Variants in PCED1B observed in about 807,000 individuals in gnomAD.
PCED1B encodes the protein PC-esterase domain-containing protein 1B.
For missense variants in PCED1B, 573 were observed against 573.9 expected (o/e 1.00, Z 0.02); for synonymous variants, 251 against 246.1 (o/e 1.02, Z -0.19).
chr12:47,230,824 G>A (rs766233131), intron 3 of PCED1B, among the ~76,000 whole-genome samples: 3 of 152,098 alleles, frequency 2.0e-5, no homozygotes, highest in Non-Finnish European at 4.4e-5. Flanking sequence ...TTTTGGGTTT[G>A]GAAGAATTTT....
At chr12:47,175,516 T>A (rs1231726729) in intron 2 of PCED1B, among the ~76,000 whole-genome samples, 1 of 152,192 alleles carries the variant, frequency 6.6e-6, no homozygotes, top group Non-Finnish European at 1.5e-5. Flanking sequence ...GAAATCCCAC[T>A]TCAGAATTCA....
intron 1 of PCED1B, among the ~76,000 whole-genome samples, chr12:47,091,403 T>C (rs1938259595): frequency 6.6e-6 from 1 of 152,210 alleles, no homozygotes; most frequent in South Asian, 2.1e-4. Context: ...GCAGGTGTTC[T>C]TTATACATTC....
intron 1 of PCED1B, among the ~76,000 whole-genome samples, chr12:47,086,181 G>A (rs1349670744): frequency 2.0e-5 from 3 of 152,094 alleles, no homozygotes; most frequent in Non-Finnish European, 2.9e-5. Context: ...AAACTTGGGT[G>A]TGATCAACTC....
intron 2 of PCED1B, among the ~76,000 whole-genome samples, chr12:47,168,217 G>A (rs117768315): frequency 0.011 from 1,688 of 152,276 alleles, 16 homozygotes; most frequent in Middle Eastern, 0.027. Context: ...TAGAGAGTAG[G>A]TCTTTTAAGC....
At chr12:47,080,866 C>A (rs1937670852) in intron 1 of PCED1B, among the ~76,000 whole-genome samples, 1 of 152,028 alleles carries the variant, frequency 6.6e-6, no homozygotes, top group South Asian at 2.1e-4. Context: ...GTCTCTGTCC[C>A]CGCCACCTCC....
intron 2 of PCED1B, among the ~76,000 whole-genome samples, chr12:47,186,620 G>A (rs1942276965): frequency 6.6e-6 from 1 of 152,046 alleles, no homozygotes; most frequent in Admixed American, 6.5e-5. Context: ...ATATTGTGGG[G>A]TGGCATAATC....
intron 1 of PCED1B, among the ~76,000 whole-genome samples, chr12:47,084,872 A>G (rs1937903932): frequency 6.6e-6 from 1 of 152,254 alleles, no homozygotes; most frequent in African/African-American, 2.4e-5. Context: ...TCGGTGGCTC[A>G]TGCCTGTAAT....
chr12:47,208,820 A>T (rs2137751814), intron 2 of PCED1B: 1 of 152,286 alleles, frequency 6.6e-6, no homozygotes, highest in East Asian at 1.9e-4. Flanking sequence ...TAGGGAACAA[A>T]GACTGACACT....
chr12:47,084,403 T>C (rs1937884560), intron 1 of PCED1B, among the ~76,000 whole-genome samples: 1 of 152,202 alleles, frequency 6.6e-6, no homozygotes, highest in Non-Finnish European at 1.5e-5. Context: ...CCATCATAAG[T>C]CAGAGACTGT....
intron 1 of PCED1B, among the ~76,000 whole-genome samples, chr12:47,086,360 TAAAAAA>T (rs3045485): frequency 2.1e-5 from 2 of 95,548 alleles, no homozygotes; most frequent in African/African-American, 9.2e-5. Context: ...GTGCTTATGG[TAAAAAA>T]AAAAAAAAAA....
intron 2 of PCED1B, among the ~76,000 whole-genome samples, chr12:47,184,739 T>C (rs983897557): frequency 2.0e-5 from 3 of 151,974 alleles, no homozygotes; most frequent in Non-Finnish European, 2.9e-5. Flanking sequence ...TTTTTAAAAG[T>C]GGGAATAACA....
At chr12:47,230,545 G>C (rs904563656) in intron 3 of PCED1B, among the ~76,000 whole-genome samples, 1 of 151,508 alleles carries the variant, frequency 6.6e-6, no homozygotes, top group Non-Finnish European at 1.5e-5. Context: ...CCAGGTTCAG[G>C]GGATCTCCCG....
rs181889170 is a variant in PCED1B at position 47,186,535 on chromosome 12, C to T, written c.-525-29687C>T. Among the ~76,000 whole-genome samples, 45 of 152,142 alleles carry T rather than the reference C, an allele frequency of 3.0e-4. 1 individual carries two copies. The highest frequency in any genetic ancestry group is 2.3e-3 in the East Asian group (12 of 5,158). ...GTTCTGTTTTCAGGCAGATAGGAGGCGGACAGAGATCTCATCCTGGGTCTG... is the reference window on the plus strand; with the variant it reads ...GTTCTGTTTTCAGGCAGATAGGAGGTGGACAGAGATCTCATCCTGGGTCTG... On this transcript the variant is annotated intron_variant, in intron 2 of 3. Coordinates refer to ENST00000546455, the MANE Select transcript of PCED1B (RefSeq NM_138371.3).
intron 2 of PCED1B, among the ~76,000 whole-genome samples, chr12:47,183,721 A>G (rs1942165693): frequency 6.6e-6 from 1 of 152,176 alleles, no homozygotes; most frequent in Non-Finnish European, 1.5e-5. Context: ...TTAATTGCAT[A>G]TTTTTGCTCA....
Position 47,235,567 on chromosome 12 carries a change from G to T in PCED1B, c.504G>T (p.Val168=). 7.5e-6 allele frequency: 12 copies of T among 1,608,884 alleles called. No homozygotes were observed. Among genetic ancestry groups the T allele is most frequent in the Non-Finnish European group, 1.0e-5 (12 of 1,176,682 alleles). ...TGGTGTGGAACACGGCCATGCCTGT[G>T]GGCGAGGAAGTCACCGGGGGTTTTC... The part of the protein sequence containing the change: ...CLLVWNTAMP[V]GEEVTGGFLP... Residue 168 remains valine (V), a synonymous_variant, in exon 4 of 4, where the codon GTG becomes GTT. Transcript: ENST00000546455.
Position 47,081,916 on chromosome 12 carries a change from A to T in PCED1B, c.-609+2191A>T, listed in dbSNP as rs1206158585. On this transcript the variant is annotated intron_variant, in intron 1 of 3. Transcript: ENST00000546455. Reference sequence around the variant, plus strand: ...ACTACAGGCATATTGTAGAAACATTATGCAGAGATTACACAGCAAAAGTAA... The same window carrying T: ...ACTACAGGCATATTGTAGAAACATTTTGCAGAGATTACACAGCAAAAGTAA... 5.9e-5 allele frequency among the ~76,000 whole-genome samples: 9 copies of T among 152,354 alleles called. No homozygotes were observed. In the East Asian group the frequency reaches 1.7e-3, roughly 29 times the overall value.
chr12:47,180,821 A>G (rs541887744), intron 2 of PCED1B, among the ~76,000 whole-genome samples: 5 of 152,332 alleles, frequency 3.3e-5, no homozygotes, highest in Non-Finnish European at 7.4e-5. Flanking sequence ...CATGCAGCCA[A>G]CAAACATCTG....
At chr12:47,160,994 G>T (rs1190801545) in intron 2 of PCED1B, among the ~76,000 whole-genome samples, 1 of 152,130 alleles carries the variant, frequency 6.6e-6, no homozygotes, top group African/African-American at 2.4e-5. Context: ...CTCAGGTTTT[G>T]CCTCTTGACA....
chr12:47,126,934 G>C (rs906384133), intron 2 of PCED1B, among the ~76,000 whole-genome samples: 1 of 152,014 alleles, frequency 6.6e-6, no homozygotes, highest in Non-Finnish European at 1.5e-5. Context: ...CAATGTAGTT[G>C]ATTTTTCTCA....
Sources: allele counts gnomAD v4.1 joint callset (sites outside exome capture counted in the v4.1 genomes callset), GRCh38; gene constraint gnomAD v4.1.1; transcripts MANE v1.5; gene names NCBI Gene and HGNC (gene_info 2026-07-23, HGNC 2026-07-21).